APP: variants seen among roughly 807,000 people sequenced by gnomAD.
The protein encoded by APP is amyloid-beta precursor protein.
A neutral mutation model predicts 101.4 loss-of-function variants in APP; 31 were observed. The observed-to-expected ratio is 0.31, with a 90% CI of 0.23 to 0.41. The LOEUF is 0.41. Among genes scored for constraint, APP ranks in the 10% least tolerant of loss-of-function variants. The pLI is 1.00. For synonymous variants in APP, 366 were observed against 364.4 expected (o/e 1.00, Z -0.05); for missense variants, 839 against 1,003.7 (o/e 0.84, Z 2.22).
intron 13 of APP, among the ~76,000 whole-genome samples, chr21:25,918,102 T>C (rs114001792): frequency 0.027 from 4,076 of 152,260 alleles, 178 homozygotes; most frequent in African/African-American, 0.093. Context: ...AGTTCAACCG[T>C]TGTGGAAGAC....
Position 26,068,997 on chromosome 21 carries a change from T to C in APP, c.356-15649A>G, listed in dbSNP as rs368070494. On this transcript the variant is annotated intron_variant, in intron 3 of 17. Transcript: ENST00000346798. Reference sequence around the variant, plus strand: ...TTCCGGAAGTGTACCCAAAGGACAATGACTAATTCCTCATTGGGTCAAAGT... The same window carrying C: ...TTCCGGAAGTGTACCCAAAGGACAACGACTAATTCCTCATTGGGTCAAAGT... Among the ~76,000 whole-genome samples, 162 of 152,288 alleles carry C rather than the reference T, an allele frequency of 1.1e-3. 1 individual carries two copies. Among genetic ancestry groups the C allele is most frequent in the African/African-American group, 3.7e-3 (152 of 41,554 alleles).
At chr21:26,027,011 A>T (rs1241333920) in intron 5 of APP, among the ~76,000 whole-genome samples, 1 of 152,236 alleles carries the variant, frequency 6.6e-6, no homozygotes, top group Non-Finnish European at 1.5e-5. Context: ...ACTGCTCTAA[A>T]ACAATAAAGT....
intron 6 of APP, among the ~76,000 whole-genome samples, chr21:26,006,468 A>G (rs1432239078): frequency 1.3e-5 from 2 of 152,224 alleles, no homozygotes; most frequent in Non-Finnish European, 2.9e-5. Context: ...TTTGTAAGGT[A>G]GGCCCTTGCT....
intron 3 of APP, among the ~76,000 whole-genome samples, chr21:26,057,344 G>C (rs2046082634): frequency 6.6e-6 from 1 of 152,010 alleles, no homozygotes; most frequent in Admixed American, 6.6e-5. Context: ...CAAACTTTAG[G>C]CAATTTGGCA....
At chr21:26,044,443 C>A (rs372334558) in intron 5 of APP, among the ~76,000 whole-genome samples, 1 of 152,228 alleles carries the variant, frequency 6.6e-6, no homozygotes, top group Non-Finnish European at 1.5e-5. Context: ...TGAAATTGAT[C>A]ACGTAAGTAA....
intron 3 of APP, among the ~76,000 whole-genome samples, chr21:26,069,913 A>G (rs550160109): frequency 3.3e-5 from 5 of 152,380 alleles, no homozygotes; most frequent in African/African-American, 1.2e-4. Flanking sequence ...ATTGTTAACA[A>G]TAACAAGAGT....
At chr21:25,898,857 T>TAATC (rs1479546356) in intron 15 of APP, among the ~76,000 whole-genome samples, 1 of 152,216 alleles carries the variant, frequency 6.6e-6, no homozygotes, top group Non-Finnish European at 1.5e-5. Context: ...GCTCTTGGCC[T>TAATC]AATCACTCTT....
chr21:26,068,143 T>C (rs921199875), intron 3 of APP: 1 of 152,236 alleles, frequency 6.6e-6, no homozygotes, highest in Non-Finnish European at 1.5e-5. Context: ...GAAAGCCATG[T>C]GCGAGGGAGG....
chr21:26,133,269 C>G (rs976248525), intron 1 of APP, among the ~76,000 whole-genome samples: 3 of 152,176 alleles, frequency 2.0e-5, no homozygotes, highest in African/African-American at 7.2e-5. Context: ...CTGACAGTTC[C>G]TGAGTAATCG....
chr21:26,139,267 A>C (rs147901075), intron 1 of APP, among the ~76,000 whole-genome samples: 75 of 152,350 alleles, frequency 4.9e-4, no homozygotes, highest in African/African-American at 1.7e-3. Flanking sequence ...CTAGAGTGAG[A>C]ATGTACATTA....
intron 6 of APP, among the ~76,000 whole-genome samples, chr21:26,008,166 C>T (rs113455057): frequency 3.7e-4 from 56 of 152,320 alleles, no homozygotes; most frequent in African/African-American, 1.2e-3. Flanking sequence ...ATACATCTGT[C>T]ATTCTAATTA....
intron 13 of APP, among the ~76,000 whole-genome samples, chr21:25,929,315 T>A (rs1276380262): frequency 6.6e-6 from 1 of 152,150 alleles, no homozygotes; most frequent in Non-Finnish European, 1.5e-5. Context: ...AACATAAATT[T>A]CATGCCAAAA....
At chr21:25,891,342 G>A (rs1160661240) in intron 17 of APP, among the ~76,000 whole-genome samples, 1 of 151,682 alleles carries the variant, frequency 6.6e-6, no homozygotes, top group African/African-American at 2.4e-5. Context: ...TAGTTTTTTT[G>A]GAAAAAGCAA....
intron 13 of APP, chr21:25,933,686 T>A (rs2040242312): frequency 6.6e-6 from 1 of 152,188 alleles, no homozygotes; most frequent in South Asian, 2.1e-4. Flanking sequence ...AAACATTAAT[T>A]AACCCTGGCT....
chr21:26,118,832 G>A (rs115269596), intron 1 of APP, among the ~76,000 whole-genome samples: 2,823 of 151,782 alleles, frequency 0.019, 87 homozygotes, highest in African/African-American at 0.065. Flanking sequence ...GAGCCACAAC[G>A]CCTGGCCTGT....
Position 26,118,907 on chromosome 21 carries a change from T to C in APP, c.58-6761A>G, listed in dbSNP as rs148060073. ...GGGAAAAAAAAATGAAAAAAAAATATATATATAGTATTTGAGATCTTTATC... is the reference window on the plus strand; with the variant it reads ...GGGAAAAAAAAATGAAAAAAAAATACATATATAGTATTTGAGATCTTTATC... On this transcript the variant is annotated intron_variant, in intron 1 of 17. Transcript: ENST00000346798. 2.6e-3 allele frequency among the ~76,000 whole-genome samples: 399 copies of C among 152,098 alleles called. 6 individuals carry two copies. Among genetic ancestry groups the C allele is most frequent in the East Asian group, 0.017 (89 of 5,176 alleles).
At chr21:26,165,704 G>A (rs1298379067) in intron 1 of APP, among the ~76,000 whole-genome samples, 1 of 152,114 alleles carries the variant, frequency 6.6e-6, no homozygotes, top group Non-Finnish European at 1.5e-5. Flanking sequence ...TGTGAGTCTC[G>A]CAAGGTTCAA....
chr21:26,020,213 A>G lies in APP; in HGVS notation c.865+1627T>C, dbSNP rs1039874760. Among the ~76,000 whole-genome samples, 4 of 152,336 alleles carry G rather than the reference A, an allele frequency of 2.6e-5. 1 individual carries two copies. The Middle Eastern group carries it at 0.01, about 389-fold the overall frequency. On this transcript the variant is annotated intron_variant, in intron 6 of 17. Transcript: ENST00000346798. ...CATGTATTATATGATCCCACTTATAATAACAGTCCAAAAAAGGGCAAATCT... is the reference window on the plus strand; with the variant it reads ...CATGTATTATATGATCCCACTTATAGTAACAGTCCAAAAAAGGGCAAATCT...
intron 13 of APP, among the ~76,000 whole-genome samples, chr21:25,928,524 C>A (rs896912319): frequency 3.3e-5 from 5 of 152,122 alleles, no homozygotes; most frequent in African/African-American, 1.2e-4. Context: ...ATGTCTGCAA[C>A]TTCCTTTAAA....
Sources: allele counts gnomAD v4.1 joint callset (sites outside exome capture counted in the v4.1 genomes callset), GRCh38; gene constraint gnomAD v4.1.1; transcripts MANE v1.5; gene names NCBI Gene and HGNC (gene_info 2026-07-23, HGNC 2026-07-21).